Variants in ZNG1A observed in about 807,000 individuals in gnomAD.
ZNG1A encodes zinc-regulated GTPase metalloprotein activator 1A.
the ZNG1A span, among the ~76,000 whole-genome samples, chr9:125,162 A>C: frequency 8.3e-4 from 126 of 152,246 alleles, no homozygotes; most frequent in Non-Finnish European, 1.5e-3. Flanking sequence ...ACTAGTTTAC[A>C]TTCCCACCAG....
chr9:140,678 A>G, the ZNG1A span, among the ~76,000 whole-genome samples: 4 of 152,136 alleles, frequency 2.6e-5, no homozygotes, highest in African/African-American at 9.7e-5. Flanking sequence ...GCAACGGAAC[A>G]AAGCTGGAGG....
the ZNG1A span, chr9:121,645 A>G: frequency 1.4e-6 from 2 of 1,459,992 alleles, no homozygotes; most frequent in Non-Finnish European, 1.9e-6. Context: ...TATCAATTCC[A>G]GTTCATTAAA....
chr9:142,319 G>C, the ZNG1A span, among the ~76,000 whole-genome samples: 1 of 105,958 alleles, frequency 9.4e-6, no homozygotes, highest in Non-Finnish European at 1.8e-5. Context: ...AAATGTAAAA[G>C]AACAGAAATT....
chr9:169,691 C>G, the ZNG1A span, among the ~76,000 whole-genome samples: 1 of 149,760 alleles, frequency 6.7e-6, no homozygotes, highest in Non-Finnish European at 1.5e-5. Context: ...CAGCACCCAT[C>G]AACATCGTGG....
the ZNG1A span, among the ~76,000 whole-genome samples, chr9:140,029 C>A: frequency 6.6e-6 from 1 of 150,538 alleles, no homozygotes; most frequent in Non-Finnish European, 1.5e-5. Flanking sequence ...CAGAGTCTCG[C>A]TGATTGCTAG....
At chr9:153,950 T>A in the ZNG1A span, 1 of 152,182 alleles carries the variant, frequency 6.6e-6, no homozygotes, top group Non-Finnish European at 1.5e-5. Flanking sequence ...CTTTTATTAG[T>A]TCAGGTCTTA....
chr9:158,859 T>G, the ZNG1A span, among the ~76,000 whole-genome samples: 1 of 152,126 alleles, frequency 6.6e-6, no homozygotes, highest in Non-Finnish European at 1.5e-5. Context: ...TAAGTGCATA[T>G]TAACATTTAT....
At chr9:142,238 C>A in the ZNG1A span, among the ~76,000 whole-genome samples, 1 of 139,250 alleles carries the variant, frequency 7.2e-6, no homozygotes, top group Non-Finnish European at 1.5e-5. Flanking sequence ...ACAGAATATA[C>A]ATTCTTTTCA....
the ZNG1A span, chr9:154,674 A>G: frequency 1.4e-6 from 2 of 1,469,618 alleles, no homozygotes; most frequent in Non-Finnish European, 1.9e-6. Context: ...TACAACATGG[A>G]TCTGTAGGCA....
chr9:161,702 T>C, the ZNG1A span: 6 of 901,178 alleles, frequency 6.7e-6, no homozygotes, highest in Non-Finnish European at 9.4e-6. Flanking sequence ...AACATACTTT[T>C]AAAGATCTTA....
chr9:129,588 C>A, the ZNG1A span, among the ~76,000 whole-genome samples: 144 of 149,866 alleles, frequency 9.6e-4, 1 homozygote, highest in South Asian at 9.9e-3. Context: ...TTGCATGAAT[C>A]CACTAATATC....
At chr9:175,153 G>C in the ZNG1A span, among the ~76,000 whole-genome samples, 4 of 152,186 alleles carry the variant, frequency 2.6e-5, no homozygotes, top group African/African-American at 9.7e-5. Context: ...GCCGAGGCGG[G>C]TGGATCACAA....
the ZNG1A span, chr9:146,095 A>G: frequency 6.5e-7 from 1 of 1,549,542 alleles, no homozygotes; most frequent in Non-Finnish European, 8.7e-7. Context: ...AATTATACAA[A>G]ACATACCTTA....
the ZNG1A span, among the ~76,000 whole-genome samples, chr9:141,550 G>T: frequency 1.3e-5 from 2 of 150,064 alleles, no homozygotes; most frequent in Admixed American, 1.3e-4. Flanking sequence ...AGCACTAAAC[G>T]TGGAAAGGAA....
the ZNG1A span, among the ~76,000 whole-genome samples, chr9:176,448 C>A: frequency 1.4e-3 from 212 of 148,840 alleles, no homozygotes; most frequent in African/African-American, 5.0e-3. Context: ...TTTACTATTA[C>A]AGTGCTGCTA....
At chr9:174,706 T>G in the ZNG1A span, among the ~76,000 whole-genome samples, 150 of 151,160 alleles carry the variant, frequency 9.9e-4, no homozygotes, top group African/African-American at 3.6e-3. Flanking sequence ...TTTTACTTTT[T>G]ACAACTGAAA....
chr9:161,574 G>T, the ZNG1A span: 1 of 1,286,446 alleles, frequency 7.8e-7, no homozygotes, highest in Non-Finnish European at 1.0e-6. Context: ...TACTGCTTTG[G>T]GCCCTATCCA....
the ZNG1A span, among the ~76,000 whole-genome samples, chr9:176,551 G>T: frequency 1.3e-5 from 2 of 151,906 alleles, no homozygotes; most frequent in East Asian, 3.9e-4. Context: ...AAGATTTTAC[G>T]GAGTATTAGG....
the ZNG1A span, among the ~76,000 whole-genome samples, chr9:161,111 C>G: frequency 8.6e-5 from 13 of 151,924 alleles, no homozygotes; most frequent in African/African-American, 3.1e-4. Flanking sequence ...ATTTGACAAA[C>G]CTGACATATC....
Sources: allele counts gnomAD v4.1 joint callset (sites outside exome capture counted in the v4.1 genomes callset), GRCh38; gene constraint gnomAD v4.1.1; transcripts MANE v1.5; gene names NCBI Gene and HGNC (gene_info 2026-07-23, HGNC 2026-07-21).